The following ZSWIM5 variants were observed in gnomAD, a reference collection of about 807,000 sequenced individuals.
The protein encoded by ZSWIM5 is zinc finger SWIM-type containing 5.
A neutral mutation model predicts 119.6 loss-of-function variants in ZSWIM5; 55 were observed. The ratio of observed to expected loss-of-function variants is 0.46; its 90% confidence interval spans 0.37 to 0.58. The LOEUF is 0.58. Ranked by LOEUF, ZSWIM5 falls within the 20% of genes least tolerant of loss-of-function variation. The probability of loss-of-function intolerance (pLI) is 0.00; values close to 1 mark genes in which losing one functional copy is unlikely to be tolerated. For missense variants in ZSWIM5, 1,193 were observed against 1,512.8 expected, an observed-to-expected ratio of 0.79 and a Z score of 3.51; for synonymous variants, 537 against 606.9, an observed-to-expected ratio of 0.88 and a Z score of 1.69.
At chr1:45,058,477 T>C in intron 4 of ZSWIM5, 132 bp downstream of exon 4, 1 of 1,137,256 alleles carries the variant, frequency 8.8e-7, no homozygotes, top group Non-Finnish European at 1.2e-6. Flanking sequence ...GGGTGGCCTC[T>C]GTAGAACCTA....
At chr1:45,056,712 G>A (rs1188674758) in intron 4 of ZSWIM5, among the ~76,000 whole-genome samples, 1 of 152,146 alleles carries the variant, frequency 6.6e-6, no homozygotes, top group African/African-American at 2.4e-5. Flanking sequence ...AATTGTAGGA[G>A]CAACATTCTT....
intron 1 of ZSWIM5, among the ~76,000 whole-genome samples, chr1:45,115,622 G>A (rs1185009240): frequency 4.0e-5 from 6 of 150,010 alleles, no homozygotes; most frequent in Admixed American, 2.7e-4. Flanking sequence ...ACGGGATGGC[G>A]GCCGGGAAGA....
intron 1 of ZSWIM5, among the ~76,000 whole-genome samples, chr1:45,137,917 A>G (rs1645699345): frequency 1.3e-5 from 2 of 152,180 alleles, no homozygotes; most frequent in Admixed American, 6.5e-5. Context: ...AAGGGTAGGA[A>G]CAAGGAGGCC....
intron 1 of ZSWIM5, among the ~76,000 whole-genome samples, chr1:45,201,560 A>G (rs1646158571): frequency 6.6e-6 from 1 of 152,186 alleles, no homozygotes; most frequent in Non-Finnish European, 1.5e-5. Flanking sequence ...AAACAAGAGA[A>G]ATAAAATTGT....
Position 45,088,138 on chromosome 1 carries a change from G to GACACCTC in ZSWIM5, c.694_695insGAGGTGT (p.Ser232Ter). 3.1e-6 allele frequency: 5 copies of GACACCTC among 1,614,200 alleles called. No homozygotes were observed. Among genetic ancestry groups the GACACCTC allele is most frequent in the Non-Finnish European group, 4.2e-6 (5 of 1,180,040 alleles). On this transcript the variant is annotated stop_gained and frameshift_variant, in exon 2 of 14. Transcript: ENST00000359600. LOFTEE classifies it high-confidence loss of function. The surrounding 1 kb of genome is among the most constrained non-coding windows in gnomAD (Gnocchi z 4.2). ...CTTGTTCCCACAGCCACATGTCACTGAGGTGATTTTGCATCGATCAAAACT... is the reference window on the plus strand; with the variant it reads ...CTTGTTCCCACAGCCACATGTCACTGACACCTCAGGTGATTTTGCATCGATCAAAACT...
At position 45,031,167 on chromosome 1, in the gene ZSWIM5, T is replaced by A. The variant is rs1159739917; in HGVS notation, c.2449+3145A>T. ...TTCTCTATTTCATTGATTTTTGCTCTGATTTTTTTTTTTTTTTTTTTTTTT... is the reference window on the plus strand; with the variant it reads ...TTCTCTATTTCATTGATTTTTGCTCAGATTTTTTTTTTTTTTTTTTTTTTT... On this transcript the variant is annotated intron_variant, in intron 11 of 13. Transcript: ENST00000359600. Among the ~76,000 whole-genome samples the A allele has an allele frequency of 3.2e-5, 4 of 123,644 alleles. No individual in the cohort carries two copies. In the East Asian group the frequency reaches 9.6e-4, roughly 30 times the overall value. 81.1% of individuals were successfully genotyped at this position (123,644 alleles called of 152,430 possible).
Position 45,206,108 on chromosome 1 carries a change from C to A in ZSWIM5, c.243G>T (p.Arg81=). 1 of 1,611,806 alleles carries A rather than the reference C, an allele frequency of 6.2e-7. No individual in the cohort carries two copies. The highest frequency in any genetic ancestry group is 8.5e-7 in the Non-Finnish European group (1 of 1,179,438). The change falls in exon 1 of 14, where the codon CGG becomes CGT. Residue 81 remains arginine, a synonymous_variant. Transcript: ENST00000359600. The stretch of plus-strand genomic sequence containing the variant: ...GGATCCGCTCGAAGCGCTCCTCCAC[C>A]CGTTCGTATGCCCACTTTTCCGCCA... ...KTVAEKWAYE[R]VEERFERIPE... is the part of the protein sequence containing the mutation.
chr1:45,030,086 A>AG (rs1214622471), intron 11 of ZSWIM5, among the ~76,000 whole-genome samples: 1 of 152,084 alleles, frequency 6.6e-6, no homozygotes, highest in African/African-American at 2.4e-5. Context: ...CTGGGACTAC[A>AG]GGGGGGTGCC....
chr1:45,034,015 C>T (rs1354679501), intron 11 of ZSWIM5, among the ~76,000 whole-genome samples: 4 of 152,060 alleles, frequency 2.6e-5, no homozygotes, highest in South Asian at 2.1e-4. Context: ...CCACCACGCC[C>T]GGCTACTTTT....
chr1:45,155,652 G>A (rs1645822672), intron 1 of ZSWIM5, among the ~76,000 whole-genome samples: 1 of 152,140 alleles, frequency 6.6e-6, no homozygotes, highest in South Asian at 2.1e-4. Context: ...ATCAATCAAT[G>A]AGTGGATAAA....
rs55717021 is a variant in ZSWIM5, at chr1:45,038,604, CTTT to C, written c.1894+329_1894+331del. ...GGAGAAAAGGGCTGACGAGGGCAGTCTTTTTTTTTTTTTTTTTAATGAAACAGG... is the reference window on the plus strand; with the variant it reads ...GGAGAAAAGGGCTGACGAGGGCAGTCTTTTTTTTTTTTTTAATGAAACAGG... On this transcript the variant is annotated intron_variant, in intron 8 of 13. Transcript: ENST00000359600. Among the ~76,000 whole-genome samples, 18 of 48,502 alleles carry C rather than the reference CTTT, an allele frequency of 3.7e-4. 1 individual carries two copies. The Admixed American group carries it at 4.0e-3, about 11-fold the overall frequency. The allele number at this position is 48,502 out of a possible 152,430, so 31.8% of individuals were successfully genotyped here.
At chr1:45,156,824 TTCTC>T (rs1645829691) in intron 1 of ZSWIM5, among the ~76,000 whole-genome samples, 1 of 151,826 alleles carries the variant, frequency 6.6e-6, no homozygotes, top group African/African-American at 2.4e-5. Context: ...AGTAAAACTA[TTCTC>T]TCTATTCACA....
rs1454391039 is a variant in ZSWIM5, at chr1:45,060,246, A to G, written c.954T>C (p.Gly318=). 1.2e-6 allele frequency: 2 copies of G among 1,613,488 alleles called. No homozygotes were observed. Among genetic ancestry groups the G allele is most frequent in the Non-Finnish European group, 8.5e-7 (1 of 1,179,898 alleles). ...SSNSEINQVN[G]APDPTAGASI... is the part of the protein sequence containing the mutation. ...TGGCCCCAGCTGTGGGGTCAGGGGC[A>G]CCTATGAAGAATGAGAACAGTGAAA... Residue 318 remains glycine, a splice_region_variant and synonymous_variant, in exon 3 of 14, where the codon GGT becomes GGC. Transcript: ENST00000359600.
At chr1:45,156,092 G>GTA (rs961269310) in intron 1 of ZSWIM5, among the ~76,000 whole-genome samples, 10 of 151,766 alleles carry the variant, frequency 6.6e-5, no homozygotes, top group African/African-American at 2.4e-4. Context: ...AGAAAACATG[G>GTA]TATATATACA....
chr1:45,099,952 G>T (rs536543864), intron 1 of ZSWIM5, among the ~76,000 whole-genome samples: 2 of 152,180 alleles, frequency 1.3e-5, no homozygotes, highest in East Asian at 3.8e-4. Context: ...TACTGAATGG[G>T]CAAAAACTGG....
intron 4 of ZSWIM5, among the ~76,000 whole-genome samples, chr1:45,058,246 G>C (rs1570038732): frequency 6.6e-6 from 1 of 152,308 alleles, no homozygotes; most frequent in South Asian, 2.1e-4. Flanking sequence ...CGTCTTAAAG[G>C]TCTGGCTGGG....
intron 2 of ZSWIM5, among the ~76,000 whole-genome samples, chr1:45,085,729 T>A (rs1306448098): frequency 2.0e-5 from 3 of 152,114 alleles, no homozygotes; most frequent in Admixed American, 2.0e-4. Flanking sequence ...AAGCACCCCA[T>A]CTTCATCTGA....
chr1:45,018,678 G>C lies in ZSWIM5; in HGVS notation c.3334C>G (p.Leu1112Val). 1.2e-6 allele frequency: 2 copies of C among 1,614,246 alleles called. No homozygotes were observed. Among genetic ancestry groups the C allele is most frequent in the Non-Finnish European group, 1.7e-6 (2 of 1,180,052 alleles). The change falls in exon 14 of 14, where the codon CTG (leucine) becomes GTG (valine). Residue 1112 changes from leucine to valine, a missense_variant. Coordinates refer to ENST00000359600, the MANE Select transcript of ZSWIM5 (RefSeq NM_020883.2). The surrounding 1 kb of genome is among the most constrained non-coding windows in gnomAD (Gnocchi z 6.7). The part of the protein sequence containing the change: ...STDKAPLRQL[L>V]DATINAYINT... Reference sequence around the variant, plus strand: ...ATATAGGCATTGATGGTGGCATCCAGCAACTGGCGCAATGGAGCTTTGTCA... The same window carrying C: ...ATATAGGCATTGATGGTGGCATCCACCAACTGGCGCAATGGAGCTTTGTCA...
At chr1:45,090,760 T>C (rs1385739399) in intron 1 of ZSWIM5, among the ~76,000 whole-genome samples, 1 of 151,960 alleles carries the variant, frequency 6.6e-6, no homozygotes, top group Admixed American at 6.6e-5. Flanking sequence ...GAGTTTGAGG[T>C]TGCTAGATAG....
Sources: allele counts gnomAD v4.1 joint callset (sites outside exome capture counted in the v4.1 genomes callset), GRCh38; gene constraint gnomAD v4.1.1; non-coding constraint Gnocchi (gnomAD v3.1); transcripts MANE v1.5; gene names NCBI Gene and HGNC (gene_info 2026-07-23, HGNC 2026-07-21).